VCAN: variants seen among roughly 807,000 people sequenced by gnomAD.
VCAN encodes versican, also known as versican core protein.
Under a neutral mutation model 245.5 loss-of-function variants are expected in VCAN, and 44 were observed. The observed-to-expected ratio is 0.18, with a 90% CI of 0.14 to 0.23. VCAN has a LOEUF of 0.23. VCAN is among the 10% of genes least tolerant of loss of function. VCAN has a pLI of 1.00. For synonymous variants in VCAN, 1,413 were observed against 1,437.0 expected (o/e 0.98, Z 0.38); for missense variants, 3,793 against 4,057.9 (o/e 0.93, Z 1.77).
chr5:83,580,811 A>C lies in VCAN; in HGVS notation c.*377A>C. On this transcript the variant is annotated 3_prime_UTR_variant, in exon 15 of 15. Transcript: ENST00000265077. ...AATGTTGATTTTAATCCTGTATATA[A>C]AATAAAAAGTCACAATGAGTTTGGG... 1 of 306,064 alleles carries C rather than the reference A, an allele frequency of 3.3e-6. No homozygotes were observed. The highest frequency in any genetic ancestry group is 6.3e-6 in the Non-Finnish European group (1 of 157,752). The allele number at this position is 306,064 out of a possible 1,614,324, so 19.0% of individuals were successfully genotyped here.
chr5:83,572,793 A>G (rs17205993), intron 13 of VCAN, among the ~76,000 whole-genome samples: 21,782 of 152,074 alleles, frequency 0.14, 1,709 homozygotes, highest in South Asian at 0.27. Flanking sequence ...ACATTAACGT[A>G]GGAATGCTGC....
intron 7 of VCAN, among the ~76,000 whole-genome samples, chr5:83,530,764 T>C (rs530413203): frequency 1.3e-5 from 2 of 152,156 alleles, no homozygotes; most frequent in Middle Eastern, 3.4e-3. Context: ...GAGGGAGTGG[T>C]GATGCGTTTT....
At chr5:83,498,563 G>C (rs1745232943) in intron 5 of VCAN, among the ~76,000 whole-genome samples, 1 of 152,028 alleles carries the variant, frequency 6.6e-6, no homozygotes, top group Admixed American at 6.6e-5. Context: ...TTTCTTATTA[G>C]TTTGTTTAAT....
chr5:83,526,178 T>C (rs1479461426), intron 7 of VCAN, among the ~76,000 whole-genome samples: 1 of 152,142 alleles, frequency 6.6e-6, no homozygotes, highest in African/African-American at 2.4e-5. Flanking sequence ...GACCTCATGA[T>C]CCACCTGCCA....
chr5:83,574,131 G>A (rs1748391230), intron 13 of VCAN, among the ~76,000 whole-genome samples: 1 of 152,092 alleles, frequency 6.6e-6, no homozygotes, highest in South Asian at 2.1e-4. Context: ...AGCTCTCAGA[G>A]AAAGACCAGC....
chr5:83,572,346 A>C (rs1255089274), intron 12 of VCAN, 70 bp from the exon 13 acceptor site: 418 of 1,543,646 alleles, frequency 2.7e-4, no homozygotes, highest in Middle Eastern at 3.4e-4. Flanking sequence ...AGATTGTGAT[A>C]TAATACCGTC....
intron 1 of VCAN, among the ~76,000 whole-genome samples, chr5:83,482,271 C>G (rs1744639510): frequency 6.6e-6 from 1 of 152,132 alleles, no homozygotes; most frequent in African/African-American, 2.4e-5. Flanking sequence ...GAAAACTGAC[C>G]ACCTCTTCCT....
chr5:83,487,604 C>T (rs1744837715), intron 2 of VCAN, among the ~76,000 whole-genome samples: 1 of 152,134 alleles, frequency 6.6e-6, no homozygotes, highest in Non-Finnish European at 1.5e-5. Flanking sequence ...AGATTTAATA[C>T]ACAAAAGATT....
At chr5:83,512,011 T>C in intron 5 of VCAN, 92 bp from the exon 6 acceptor site, 1 of 1,548,498 alleles carries the variant, frequency 6.5e-7, no homozygotes, top group South Asian at 1.1e-5. Context: ...AAGTATTACA[T>C]GCTCCTCCAA....
Position 83,550,211 on chromosome 5 carries a change from G to A in VCAN, c.9493+2127G>A, listed in dbSNP as rs1365288094. 1.3e-5 allele frequency among the ~76,000 whole-genome samples: 2 copies of A among 152,134 alleles called. 1 individual carries two copies. ...GTCAGAGAGGTTGAAAACATTACCT[G>A]TACAGCATCAAAAGAATAAATTTTT... On this transcript the variant is annotated intron_variant, in intron 10 of 14. Transcript: ENST00000265077.
chr5:83,549,833 A>G (rs1482097889), intron 10 of VCAN, among the ~76,000 whole-genome samples: 3 of 152,178 alleles, frequency 2.0e-5, no homozygotes, highest in Non-Finnish European at 4.4e-5. Context: ...TATTGCCAGG[A>G]TACTGAAAGA....
intron 7 of VCAN, chr5:83,534,290 C>G (rs1317325027): frequency 6.6e-6 from 1 of 152,000 alleles, no homozygotes; most frequent in Admixed American, 6.6e-5. Context: ...TGTTCTTACC[C>G]TATTCTTGGC....
chr5:83,573,724 A>G (rs560598534), intron 13 of VCAN, among the ~76,000 whole-genome samples: 67 of 152,234 alleles, frequency 4.4e-4, no homozygotes, highest in African/African-American at 1.6e-3. Flanking sequence ...TTGGGGAAAA[A>G]CCAAAATGTA....
intron 12 of VCAN, among the ~76,000 whole-genome samples, chr5:83,568,967 G>A (rs1328639219): frequency 2.0e-5 from 3 of 151,696 alleles, no homozygotes; most frequent in Non-Finnish European, 4.4e-5. Flanking sequence ...AGTAAAATTT[G>A]GATCATTATA....
chr5:83,579,233 T>C (rs550295000), intron 13 of VCAN, among the ~76,000 whole-genome samples: 22 of 143,958 alleles, frequency 1.5e-4, no homozygotes, highest in Admixed American at 3.7e-4. Flanking sequence ...TTGTAAGGTT[T>C]TTTGTTTGTT....
At chr5:83,543,387 G>A (rs536122097) in intron 8 of VCAN, among the ~76,000 whole-genome samples, 51 of 152,246 alleles carry the variant, frequency 3.3e-4, no homozygotes, top group Non-Finnish European at 6.0e-4. Flanking sequence ...GAGAATATAT[G>A]TTTTATTTTA....
intron 1 of VCAN, among the ~76,000 whole-genome samples, chr5:83,481,730 CAG>C (rs1415018887): frequency 1.3e-5 from 2 of 152,070 alleles, no homozygotes; most frequent in Admixed American, 6.5e-5. Context: ...AAATGCTCTT[CAG>C]AGAGTGTCTA....
At position 83,580,428 on chromosome 5, in the gene VCAN, G is replaced by A; in HGVS notation, c.10185G>A (p.Arg3395=). 2 of 1,613,798 alleles carry A rather than the reference G, an allele frequency of 1.2e-6. No individual in the cohort carries two copies. The highest frequency in any genetic ancestry group is 1.7e-6 in the Non-Finnish European group (2 of 1,179,894). Residue 3395 remains arginine, a synonymous_variant, in exon 15 of 15, where the codon AGG becomes AGA. Transcript: ENST00000265077. ...HRWSRRWQES[R]R ...GGAGCCGGAGGTGGCAGGAGTCGAG[G>A]CGCTGATCCCTAAAATGGCGAACAT...
intron 2 of VCAN, among the ~76,000 whole-genome samples, chr5:83,488,235 G>C (rs929157421): frequency 2.6e-5 from 4 of 152,188 alleles, no homozygotes; most frequent in African/African-American, 9.7e-5. Flanking sequence ...GGTACTTTCA[G>C]AGAGTCCTCT....
Sources: allele counts gnomAD v4.1 joint callset (sites outside exome capture counted in the v4.1 genomes callset), GRCh38; gene constraint gnomAD v4.1.1; transcripts MANE v1.5; gene names NCBI Gene and HGNC (gene_info 2026-07-23, HGNC 2026-07-21).